The following SBF2 variants were observed in gnomAD, a reference collection of about 807,000 sequenced individuals.
SBF2 encodes the protein SET binding factor 2.
A neutral mutation model predicts 225.2 loss-of-function variants in SBF2; 112 were observed. The ratio of observed to expected loss-of-function variants is 0.50; its 90% CI spans 0.43 to 0.58. The LOEUF is 0.58. SBF2 is among the 20% of genes least tolerant of loss of function. SBF2 has a pLI of 0.00. For missense variants in SBF2, 1,996 were observed against 2,206.2 expected (o/e 0.90, Z 1.91); for synonymous variants, 763 against 773.3 (o/e 0.99, Z 0.22).
At chr11:10,237,485 C>T (rs1245672362) in intron 1 of SBF2, among the ~76,000 whole-genome samples, 2 of 152,116 alleles carry the variant, frequency 1.3e-5, no homozygotes, top group Non-Finnish European at 2.9e-5. Context: ...GGAATACTGC[C>T]CAGCCTCAAA....
In SBF2 at chr11:9,850,036, G is replaced by T; in HGVS notation, c.2793C>A (p.Pro931=). 6.2e-7 allele frequency: 1 copy of T among 1,613,932 alleles called. No individual in the cohort carries two copies. The highest frequency in any genetic ancestry group is 8.5e-7 in the Non-Finnish European group (1 of 1,179,904). The part of the protein sequence containing the change: ...TTYRILFRGT[P]HDQLVGEQTV... The stretch of plus-strand genomic sequence containing the variant: ...ATCGAGTCATACCTAACTGATCATG[G>T]GGTGTTCCTCTGAAGAGAATTCTGT... The change falls in exon 22 of 40, where the codon CCC becomes CCA. Residue 931 remains proline, a synonymous_variant. Transcript: ENST00000256190.
At chr11:10,069,474 G>C (rs2134798128) in intron 2 of SBF2, among the ~76,000 whole-genome samples, 1 of 152,184 alleles carries the variant, frequency 6.6e-6, no homozygotes, top group Non-Finnish European at 1.5e-5. Context: ...CCATGTACCT[G>C]CAAAGGACAT....
chr11:10,084,307 G>C (rs1951474023), intron 2 of SBF2, among the ~76,000 whole-genome samples: 1 of 151,712 alleles, frequency 6.6e-6, no homozygotes, highest in Non-Finnish European at 1.5e-5. Context: ...ACATACAAAT[G>C]ACCAAAAAGC....
At chr11:10,018,642 T>C (rs1256148939) in intron 6 of SBF2, among the ~76,000 whole-genome samples, 1 of 152,160 alleles carries the variant, frequency 6.6e-6, no homozygotes, top group African/African-American at 2.4e-5. Flanking sequence ...AGGACAGTTT[T>C]GAACCAGGAT....
At chr11:9,840,178 G>A (rs2133954387) in intron 25 of SBF2, among the ~76,000 whole-genome samples, 1 of 151,626 alleles carries the variant, frequency 6.6e-6, no homozygotes, top group African/African-American at 2.4e-5. Flanking sequence ...AGGTTGCAGT[G>A]AGCTGAGACC....
intron 32 of SBF2, among the ~76,000 whole-genome samples, chr11:9,805,873 G>C (rs978891065): frequency 6.6e-6 from 1 of 152,124 alleles, no homozygotes; most frequent in Non-Finnish European, 1.5e-5. Flanking sequence ...CACCCACCTT[G>C]GCCTCCCAAA....
chr11:10,223,269 G>T (rs1244791098), intron 1 of SBF2, among the ~76,000 whole-genome samples: 1 of 150,730 alleles, frequency 6.6e-6, no homozygotes, highest in Non-Finnish European at 1.5e-5. Flanking sequence ...TGAACAACTT[G>T]GGAGTTAGGA....
At chr11:10,229,568 G>A (rs191123005) in intron 1 of SBF2, among the ~76,000 whole-genome samples, 47 of 151,962 alleles carry the variant, frequency 3.1e-4, no homozygotes, top group Non-Finnish European at 4.6e-4. Flanking sequence ...ATTTCGTTAC[G>A]TACCCAGTAG....
At chr11:9,962,311 A>T (rs577346338) in intron 15 of SBF2, among the ~76,000 whole-genome samples, 190 of 152,362 alleles carry the variant, frequency 1.2e-3, no homozygotes, top group African/African-American at 4.4e-3. Context: ...AACCAGCAAG[A>T]AATATAAGAT....
At chr11:10,122,238 T>C (rs1284936001) in intron 2 of SBF2, among the ~76,000 whole-genome samples, 1 of 152,206 alleles carries the variant, frequency 6.6e-6, no homozygotes, top group Non-Finnish European at 1.5e-5. Flanking sequence ...CTGCCAAAGT[T>C]ACAGCTACAG....
At chr11:9,919,252 T>TTTC (rs138931178) in intron 16 of SBF2, among the ~76,000 whole-genome samples, 17,972 of 143,054 alleles carry the variant, frequency 0.13, 1,184 homozygotes, top group Middle Eastern at 0.19. Context: ...TAGCCTCTCC[T>TTTC]TTCTTCTTCT....
chr11:10,060,983 G>A (rs975635224), intron 2 of SBF2, among the ~76,000 whole-genome samples: 79 of 152,054 alleles, frequency 5.2e-4, no homozygotes, highest in African/African-American at 1.8e-3. Flanking sequence ...GGCTGAGATC[G>A]TGCCACTACA....
At chr11:10,267,262 A>C (rs1962085559) in intron 1 of SBF2, among the ~76,000 whole-genome samples, 1 of 151,848 alleles carries the variant, frequency 6.6e-6, no homozygotes, top group South Asian at 2.1e-4. Flanking sequence ...TACAAACCCG[A>C]AACTGTCTAC....
chr11:9,925,283 G>GATAT (rs369454799), intron 16 of SBF2, among the ~76,000 whole-genome samples: 11 of 149,332 alleles, frequency 7.4e-5, no homozygotes, highest in East Asian at 2.0e-4. Context: ...AGTCACTAAT[G>GATAT]ATATATATAT....
intron 16 of SBF2, among the ~76,000 whole-genome samples, chr11:9,932,957 C>CAAAAAAAAAAAAAA (rs574177096): frequency 1.0e-4 from 6 of 58,772 alleles, no homozygotes; most frequent in East Asian, 2.4e-3. Context: ...AAACGAAAAG[C>CAAAAAAAAAAAAAA]AAAAAAAAAA....
rs751319241 is a variant in SBF2, at chr11:9,852,740, G to A, written c.2546C>T (p.Ala849Val). ...TGCTTCTAGGGTCTCAATGTGCATA[G>A]CTACAATTCCTAGGATGAGTCAGAG... ...SLHCMIPGIV[A>V]MHIETLEAVH... The change falls in exon 21 of 40, where the codon GCT becomes GTT. Residue 849 changes from alanine (A) to valine (V), a missense_variant. By Grantham distance (64) the Ala-to-Val change is moderately conservative. Transcript: ENST00000256190. The A allele has an allele frequency of 1.9e-6, 3 of 1,610,620 alleles. No individual in the cohort carries two copies. The Admixed American group carries it at 5.0e-5, about 27-fold the overall frequency.
At chr11:9,973,666 C>T (rs189069128) in intron 13 of SBF2, among the ~76,000 whole-genome samples, 97 of 152,184 alleles carry the variant, frequency 6.4e-4, no homozygotes, top group African/African-American at 2.1e-3. Flanking sequence ...ACCCCTCCCC[C>T]CTGCAGCACG....
chr11:10,161,184 C>CAA (rs56779207), intron 2 of SBF2, among the ~76,000 whole-genome samples: 1,246 of 75,012 alleles, frequency 0.017, 25 homozygotes, highest in African/African-American at 0.051. Context: ...GACTCTGTCT[C>CAA]AAAAAAAAAA....
intron 6 of SBF2, among the ~76,000 whole-genome samples, chr11:10,012,149 T>C (rs1034765384): frequency 6.6e-6 from 1 of 152,210 alleles, no homozygotes; most frequent in African/African-American, 2.4e-5. Flanking sequence ...ATTTTTTGTT[T>C]CAGTTATTTA....
Sources: gnomAD v4.1 joint callset for allele counts (sites outside exome capture counted in the v4.1 genomes callset) on GRCh38, gnomAD v4.1.1 for gene constraint, MANE v1.5 for transcripts, NCBI Gene and HGNC (gene_info 2026-07-23, HGNC 2026-07-21) for gene names.